CACNA2D1: variants seen among roughly 807,000 people sequenced by gnomAD.
The protein encoded by CACNA2D1 is calcium voltage-gated channel auxiliary subunit alpha2delta 1, also known as voltage-dependent calcium channel subunit alpha-2/delta-1.
CACNA2D1 carries 53 observed loss-of-function variants against 171.5 expected under a neutral mutation model. The observed-to-expected ratio is 0.31, with a 90% CI of 0.25 to 0.39. The LOEUF (loss-of-function observed/expected upper bound fraction) is 0.39, where lower values mean the gene tolerates loss of function less well. Ranked by LOEUF, CACNA2D1 falls within the 10% of genes least tolerant of loss-of-function variation. The pLI is 1.00. For synonymous variants in CACNA2D1, 442 were observed against 443.1 expected (o/e 1.00, Z 0.03); for missense variants, 903 against 1,299.8 (o/e 0.69, Z 4.69).
At chr7:81,984,749 C>T in intron 21 of CACNA2D1, 38 bp from the exon 22 acceptor site, 1 of 1,056,098 alleles carries the variant, frequency 9.5e-7, no homozygotes, top group Non-Finnish European at 1.4e-6. Context: ...CACAAACAAA[C>T]AAAAATGAAA....
chr7:82,141,439 A>G (rs1164040720), intron 4 of CACNA2D1, among the ~76,000 whole-genome samples: 1 of 152,196 alleles, frequency 6.6e-6, no homozygotes, highest in Admixed American at 6.5e-5. Flanking sequence ...AAAAAGTCTC[A>G]GCTGAATTCT....
intron 3 of CACNA2D1, among the ~76,000 whole-genome samples, chr7:82,243,888 G>T (rs1332066711): frequency 6.6e-6 from 1 of 152,072 alleles, no homozygotes; most frequent in African/African-American, 2.4e-5. Flanking sequence ...TTTACTTAAA[G>T]GTCAAAATTT....
chr7:82,163,627 A>T (rs1292229311), intron 4 of CACNA2D1, among the ~76,000 whole-genome samples: 1 of 152,046 alleles, frequency 6.6e-6, no homozygotes, highest in Non-Finnish European at 1.5e-5. Context: ...TATGAGAAAG[A>T]GCTTCAGGTC....
intron 4 of CACNA2D1, among the ~76,000 whole-genome samples, chr7:82,144,731 A>G (rs1792786251): frequency 6.6e-6 from 1 of 152,084 alleles, no homozygotes; most frequent in Non-Finnish European, 1.5e-5. Flanking sequence ...AGTAATCATT[A>G]CCATTTTTAA....
chr7:82,213,312 AAGAG>A (rs1800758289), intron 3 of CACNA2D1, among the ~76,000 whole-genome samples: 1 of 152,190 alleles, frequency 6.6e-6, no homozygotes, highest in Non-Finnish European at 1.5e-5. Flanking sequence ...CACAAACAAA[AAGAG>A]AGACAACCTC....
chr7:82,002,225 C>G (rs886665754), intron 18 of CACNA2D1, among the ~76,000 whole-genome samples: 2 of 151,938 alleles, frequency 1.3e-5, no homozygotes, highest in African/African-American at 4.8e-5. Context: ...GACTGGTGCC[C>G]TTGTAAAAGA....
chr7:82,350,537 C>T lies in CACNA2D1; in HGVS notation c.96-888G>A, dbSNP rs142458087. ...AAAACTAGCCAGGCTTGGTGGCGGA[C>T]GCCTGTAGTCCCAGCTACTCAGGAG... On this transcript the variant is annotated intron_variant, in intron 1 of 38. Transcript: ENST00000356860. Among the ~76,000 whole-genome samples the T allele has an allele frequency of 7.9e-3, 1,205 of 152,166 alleles. 20 individuals are homozygous for T. The highest frequency in any genetic ancestry group is 0.026 in the African/African-American group (1,094 of 41,544).
intron 3 of CACNA2D1, among the ~76,000 whole-genome samples, chr7:82,178,280 A>C (rs1796762641): frequency 6.6e-6 from 1 of 152,192 alleles, no homozygotes; most frequent in African/African-American, 2.4e-5. Flanking sequence ...AGATGTAATT[A>C]TTTCCAAATA....
At chr7:82,159,861 C>A (rs917647882) in intron 4 of CACNA2D1, among the ~76,000 whole-genome samples, 16 of 67,990 alleles carry the variant, frequency 2.4e-4, no homozygotes, top group African/African-American at 2.4e-4. Flanking sequence ...AGAGAAAATA[C>A]CAGTTATAGA....
chr7:82,164,081 G>A (rs17246425), intron 4 of CACNA2D1, among the ~76,000 whole-genome samples: 42,250 of 151,648 alleles, frequency 0.28, 6,001 homozygotes, highest in Middle Eastern at 0.36. Flanking sequence ...AGACTGAGGC[G>A]CCATGACTAT....
chr7:82,424,330 A>G (rs1175598626), intron 1 of CACNA2D1, among the ~76,000 whole-genome samples: 1 of 152,220 alleles, frequency 6.6e-6, no homozygotes, highest in Non-Finnish European at 1.5e-5. Flanking sequence ...GTACATAAGC[A>G]GTATTAAAAA....
intron 1 of CACNA2D1, among the ~76,000 whole-genome samples, chr7:82,411,158 T>C (rs1298707145): frequency 6.6e-6 from 1 of 152,202 alleles, no homozygotes; most frequent in Non-Finnish European, 1.5e-5. Context: ...CATCTTTTAA[T>C]GGCCCTCCAA....
intron 6 of CACNA2D1, among the ~76,000 whole-genome samples, chr7:82,103,028 C>A (rs1480069069): frequency 1.3e-5 from 2 of 152,120 alleles, no homozygotes; most frequent in Non-Finnish European, 2.9e-5. Flanking sequence ...AACAACTTGG[C>A]CAGGCGCTTG....
chr7:82,122,732 C>T (rs1005365960), intron 5 of CACNA2D1, among the ~76,000 whole-genome samples: 1 of 152,118 alleles, frequency 6.6e-6, no homozygotes, highest in South Asian at 2.1e-4. Context: ...TTTACAGAGT[C>T]TGAAAGTTCA....
At chr7:82,145,095 T>C (rs540980804) in intron 4 of CACNA2D1, among the ~76,000 whole-genome samples, 1 of 151,524 alleles carries the variant, frequency 6.6e-6, no homozygotes, top group African/African-American at 2.4e-5. Flanking sequence ...TCATTTTATG[T>C]ATTGAAAAGC....
chr7:82,120,458 C>T (rs1056190702), intron 5 of CACNA2D1, among the ~76,000 whole-genome samples: 1 of 152,136 alleles, frequency 6.6e-6, no homozygotes, highest in Non-Finnish European at 1.5e-5. Context: ...TAAGGCATGG[C>T]ATCACGGTCC....
chr7:82,107,732 C>T (rs1258434558), intron 6 of CACNA2D1, among the ~76,000 whole-genome samples: 1 of 151,828 alleles, frequency 6.6e-6, no homozygotes, highest in Non-Finnish European at 1.5e-5. Flanking sequence ...TACAAGCACA[C>T]ATCACCACAC....
chr7:81,959,601 T>A (rs746196129), intron 37 of CACNA2D1, 119 bp downstream of exon 37: 1 of 1,133,386 alleles, frequency 8.8e-7, no homozygotes, highest in Non-Finnish European at 1.3e-6. Context: ...CGATTCTGCC[T>A]TTGCGAGGTG....
chr7:82,113,553 A>G (rs1788689171), intron 6 of CACNA2D1, among the ~76,000 whole-genome samples: 1 of 152,180 alleles, frequency 6.6e-6, no homozygotes, highest in East Asian at 1.9e-4. Context: ...ATTTCAATTC[A>G]AGGGACTTTA....
Sources: allele counts gnomAD v4.1 joint callset (sites outside exome capture counted in the v4.1 genomes callset), GRCh38; gene constraint gnomAD v4.1.1; transcripts MANE v1.5; gene names NCBI Gene and HGNC (gene_info 2026-07-23, HGNC 2026-07-21).